Variants in ALK observed in about 807,000 individuals in gnomAD.
ALK encodes ALK receptor tyrosine kinase, also known as ALK tyrosine kinase receptor.
A neutral mutation model predicts 163.1 loss-of-function variants in ALK; 74 were observed. That is an observed-to-expected ratio of 0.45 (90% CI 0.38 to 0.55). The LOEUF (loss-of-function observed/expected upper bound fraction) is 0.55, where lower values mean the gene tolerates loss of function less well. ALK is among the 20% of genes least tolerant of loss of function. The pLI, the probability that ALK is intolerant of heterozygous loss-of-function variation, is 0.00. For missense variants in ALK, 2,063 were observed against 2,105.3 expected, an observed-to-expected ratio of 0.98 and a Z score of 0.39; for synonymous variants, 960 against 843.2, an observed-to-expected ratio of 1.14 and a Z score of -2.40.
chr2:29,617,231 CA>C, intron 3 of ALK, among the ~76,000 whole-genome samples: 1 of 152,332 alleles, frequency 6.6e-6, no homozygotes, highest in East Asian at 1.9e-4. Context: ...CACAGCCCCC[CA>C]CTTCTTGTCT....
intron 1 of ALK, among the ~76,000 whole-genome samples, chr2:29,887,628 C>T (rs1480782477): frequency 6.6e-6 from 1 of 152,136 alleles, no homozygotes; most frequent in Non-Finnish European, 1.5e-5. Flanking sequence ...AGTGCAGATT[C>T]TGGTTGGGTA....
intron 11 of ALK, among the ~76,000 whole-genome samples, chr2:29,269,564 C>G (rs747011907): frequency 6.6e-6 from 1 of 152,172 alleles, no homozygotes. Flanking sequence ...GGGCGCCGAA[C>G]GTGCTGCGAT....
chr2:29,193,893 C>G lies in ALK; in HGVS notation c.4194G>C (p.Pro1398=), dbSNP rs201653228. ...CTTCCACAAGTGGACCATATTCTAT[C>G]GGCAAAGCGGTGTTGATTACATCCG... is the stretch of plus-strand genomic sequence containing the variant. ...QDPDVINTAL[P]IEYGPLVEEE... Residue 1398 remains proline, a synonymous_variant, in exon 29 of 29, where the codon CCG becomes CCC. Transcript: ENST00000389048. The G allele has an allele frequency of 3.1e-6, 5 of 1,614,038 alleles. No homozygotes were observed. The highest frequency in any genetic ancestry group is 1.7e-5 in the Admixed American group (1 of 59,996).
At chr2:29,829,947 C>CCATT (rs1665319615) in intron 1 of ALK, among the ~76,000 whole-genome samples, 1 of 152,214 alleles carries the variant, frequency 6.6e-6, no homozygotes, top group African/African-American at 2.4e-5. Flanking sequence ...TTTGAGATTT[C>CCATT]CATTAAGTTG....
chr2:29,732,055 A>G (rs1679757790), intron 1 of ALK, among the ~76,000 whole-genome samples: 1 of 152,226 alleles, frequency 6.6e-6, no homozygotes, highest in South Asian at 2.1e-4. Flanking sequence ...GACTTCTGGA[A>G]TCCTCATCTT....
chr2:29,641,000 G>A (rs956706398), intron 3 of ALK, among the ~76,000 whole-genome samples: 19 of 152,086 alleles, frequency 1.2e-4, no homozygotes, highest in African/African-American at 3.9e-4. Context: ...TGGAGATGTC[G>A]GGACATTCCA....
intron 1 of ALK, among the ~76,000 whole-genome samples, chr2:29,749,903 A>G (rs1202217894): frequency 6.6e-6 from 1 of 152,218 alleles, no homozygotes. Flanking sequence ...GGTAATCAGA[A>G]GTGCAGTGCT....
At chr2:29,325,364 G>A (rs1667220920) in intron 6 of ALK, among the ~76,000 whole-genome samples, 2 of 152,182 alleles carry the variant, frequency 1.3e-5, no homozygotes, top group Admixed American at 1.3e-4. Flanking sequence ...ATAATAACAT[G>A]AATAATACTG....
intron 3 of ALK, among the ~76,000 whole-genome samples, chr2:29,573,900 G>A (rs1397143535): frequency 1.3e-5 from 2 of 152,086 alleles, no homozygotes; most frequent in South Asian, 2.1e-4. Context: ...AGATCTCACT[G>A]AAGAAAAGAT....
At chr2:29,233,424 G>C in intron 14 of ALK, 141 bp downstream of exon 14, 3 of 1,251,220 alleles carry the variant, frequency 2.4e-6, no homozygotes, top group Non-Finnish European at 3.5e-6. Flanking sequence ...AGGATTACAG[G>C]AATGAGCCAC....
chr2:29,450,165 C>T (rs1384961448), intron 4 of ALK, among the ~76,000 whole-genome samples: 2 of 152,174 alleles, frequency 1.3e-5, no homozygotes, highest in Admixed American at 6.5e-5. Context: ...CTTTACCTAC[C>T]TTCTCTGAGC....
intron 1 of ALK, among the ~76,000 whole-genome samples, chr2:29,849,075 C>T (rs1166745451): frequency 6.6e-6 from 1 of 152,126 alleles, no homozygotes; most frequent in African/African-American, 2.4e-5. Flanking sequence ...GGAGCGTCCT[C>T]GAGCTGCCCC....
chr2:29,273,840 G>T (rs7599255), intron 11 of ALK, among the ~76,000 whole-genome samples: 101,914 of 151,934 alleles, frequency 0.67, 35,653 homozygotes, highest in East Asian at 0.79. Context: ...GAGAGTGGAG[G>T]TGAATCACTG....
intron 9 of ALK, among the ~76,000 whole-genome samples, chr2:29,279,530 A>G (rs536828813): frequency 6.6e-6 from 1 of 152,270 alleles, no homozygotes; most frequent in Admixed American, 6.5e-5. Flanking sequence ...GGTGATGGGC[A>G]GTCAGCAGGT....
rs772063069 is a variant in ALK, at chr2:29,222,420, A to AG, written c.3451-13dup. Reference sequence around the variant, plus strand: ...ACTTCAGGCAGCGTCTGGGCAGAGAAGGGGAGGGTGGGGAGGAGGAGGAGG... The same window carrying AG: ...ACTTCAGGCAGCGTCTGGGCAGAGAAGGGGGAGGGTGGGGAGGAGGAGGAGG... On this transcript the variant is annotated splice_polypyrimidine_tract_variant and intron_variant, in intron 21 of 28. Transcript: ENST00000389048. 6.9e-6 allele frequency: 11 copies of AG among 1,599,726 alleles called. 1 individual carries two copies. In the South Asian group the frequency reaches 1.2e-4, roughly 18 times the overall value.
At chr2:29,770,209 C>T (rs1167889173) in intron 1 of ALK, among the ~76,000 whole-genome samples, 2 of 152,210 alleles carry the variant, frequency 1.3e-5, no homozygotes, top group Non-Finnish European at 2.9e-5. Flanking sequence ...TCCAAAATGC[C>T]GAGATCTCCA....
At chr2:29,277,793 C>T (rs1475205681) in intron 9 of ALK, among the ~76,000 whole-genome samples, 2 of 152,192 alleles carry the variant, frequency 1.3e-5, no homozygotes, top group Non-Finnish European at 2.9e-5. Context: ...GCACAAGGAC[C>T]CTCAGCCCCT....
chr2:29,256,874 C>T (rs1311084770), intron 11 of ALK, among the ~76,000 whole-genome samples: 1 of 152,106 alleles, frequency 6.6e-6, no homozygotes, highest in Non-Finnish European at 1.5e-5. Flanking sequence ...AGGCTCTGGT[C>T]CCCAGAGAGG....
At position 29,575,303 on chromosome 2, in the gene ALK, C is replaced by T. The variant is rs923621746; in HGVS notation, c.953-43187G>A. On this transcript the variant is annotated intron_variant, in intron 3 of 28. Transcript: ENST00000389048. ...TGCTTCTTGCGAGATTCCATTGACA[C>T]GGCCTTCTACAGACTTATTTTATGG... 2.3e-4 allele frequency among the ~76,000 whole-genome samples: 35 copies of T among 152,288 alleles called. 1 individual carries two copies. The highest frequency in any genetic ancestry group is 6.7e-4 in the African/African-American group (28 of 41,564).
Sources: gnomAD v4.1 joint callset for allele counts (sites outside exome capture counted in the v4.1 genomes callset) on GRCh38, gnomAD v4.1.1 for gene constraint, MANE v1.5 for transcripts, NCBI Gene and HGNC (gene_info 2026-07-23, HGNC 2026-07-21) for gene names.